PTPRK: variants seen among roughly 807,000 people sequenced by gnomAD.
The protein encoded by PTPRK is receptor-type tyrosine-protein phosphatase kappa.
PTPRK carries 75 observed loss-of-function variants against 178.0 expected under a neutral mutation model. The ratio of observed to expected loss-of-function variants is 0.42; its 90% CI spans 0.35 to 0.51. The LOEUF (loss-of-function observed/expected upper bound fraction) is 0.51. PTPRK is among the 20% of genes least tolerant of loss of function. The pLI is 0.02. For missense variants in PTPRK, 1,441 were observed against 1,797.8 expected (o/e 0.80, Z 3.59); for synonymous variants, 637 against 620.6 (o/e 1.03, Z -0.39).
At chr6:128,360,240 G>A (rs1008141099) in intron 2 of PTPRK, among the ~76,000 whole-genome samples, 32 of 152,164 alleles carry the variant, frequency 2.1e-4, no homozygotes, top group Non-Finnish European at 3.8e-4. Context: ...CCTATTTCCC[G>A]GGACCTGGTC....
intron 2 of PTPRK, among the ~76,000 whole-genome samples, chr6:128,382,204 T>C (rs999968294): frequency 2.0e-5 from 3 of 147,032 alleles, no homozygotes; most frequent in African/African-American, 7.5e-5. Flanking sequence ...ATGTTGAAAG[T>C]ATTATAATGG....
At chr6:128,022,481 A>G (rs895644978) in intron 13 of PTPRK, among the ~76,000 whole-genome samples, 1 of 152,168 alleles carries the variant, frequency 6.6e-6, no homozygotes, top group African/African-American at 2.4e-5. Flanking sequence ...TTATTTTCAA[A>G]TCCACTGAAT....
intron 1 of PTPRK, chr6:128,472,828 C>T (rs945701489): frequency 1.7e-5 from 3 of 179,424 alleles, no homozygotes; most frequent in African/African-American, 7.2e-5. Context: ...TCTAGTCTGC[C>T]ACCTGATTTC....
chr6:128,286,928 C>A (rs1275656689), intron 3 of PTPRK, among the ~76,000 whole-genome samples: 1 of 152,162 alleles, frequency 6.6e-6, no homozygotes, highest in East Asian at 1.9e-4. Flanking sequence ...ATGGGAGTGC[C>A]AACTAGTTCC....
At chr6:128,298,444 G>A (rs992267954) in intron 3 of PTPRK, among the ~76,000 whole-genome samples, 1 of 146,562 alleles carries the variant, frequency 6.8e-6, no homozygotes, top group Non-Finnish European at 1.5e-5. Flanking sequence ...CAATATCCTT[G>A]ATGAACATTG....
chr6:128,066,000 T>C (rs1423186169), intron 12 of PTPRK, among the ~76,000 whole-genome samples: 1 of 147,764 alleles, frequency 6.8e-6, no homozygotes, highest in Non-Finnish European at 1.5e-5. Context: ...GAAGAGAAAA[T>C]TCATATCAAA....
At position 128,192,882 on chromosome 6, in the gene PTPRK, G is replaced by GAGGGAGGA. The variant is rs1288466005; in HGVS notation, c.869-8165_869-8158dup. 1.7e-3 allele frequency among the ~76,000 whole-genome samples: 249 copies of GAGGGAGGA among 146,688 alleles called. 2 individuals carry two copies. The highest frequency in any genetic ancestry group is 0.011 in the South Asian group (49 of 4,292). The stretch of plus-strand genomic sequence containing the variant: ...CATGGAGGAAGCGGGGAGGGGAGGA[G>GAGGGAGGA]AGGGAGGAAGGGAGGAAGGGAGGAA... On this transcript the variant is annotated intron_variant, in intron 6 of 29. Coordinates refer to ENST00000368226, the MANE Select transcript of PTPRK (RefSeq NM_002844.4).
At chr6:128,434,883 G>A (rs1845306667) in intron 1 of PTPRK, among the ~76,000 whole-genome samples, 1 of 152,054 alleles carries the variant, frequency 6.6e-6, no homozygotes, top group Admixed American at 6.6e-5. Context: ...AAAAAGTTGA[G>A]CATGGTGGTA....
intron 3 of PTPRK, among the ~76,000 whole-genome samples, chr6:128,284,376 C>G (rs1271693992): frequency 6.6e-6 from 1 of 152,198 alleles, no homozygotes; most frequent in Non-Finnish European, 1.5e-5. Context: ...ACAATCAGGG[C>G]ACATATCCTG....
intron 6 of PTPRK, among the ~76,000 whole-genome samples, chr6:128,203,061 A>G (rs1221571888): frequency 2.0e-5 from 3 of 152,212 alleles, no homozygotes; most frequent in Non-Finnish European, 4.4e-5. Context: ...ATCCACCATG[A>G]TCAAGTTGGC....
At chr6:127,999,624 CT>C (rs1161972421) in intron 15 of PTPRK, among the ~76,000 whole-genome samples, 5 of 152,062 alleles carry the variant, frequency 3.3e-5, no homozygotes, top group Admixed American at 6.6e-5. Flanking sequence ...CCCTGGAAGT[CT>C]TTTCTGGCCC....
intron 7 of PTPRK, among the ~76,000 whole-genome samples, chr6:128,140,673 C>G (rs946342651): frequency 6.6e-6 from 1 of 151,858 alleles, no homozygotes; most frequent in Non-Finnish European, 1.5e-5. Context: ...GTCCATTTTA[C>G]AGATAAACAT....
intron 3 of PTPRK, among the ~76,000 whole-genome samples, chr6:128,251,363 GC>G (rs1214825195): frequency 6.6e-6 from 1 of 152,086 alleles, no homozygotes; most frequent in Non-Finnish European, 1.5e-5. Flanking sequence ...ATATAATCAA[GC>G]CCAAATCGAT....
intron 13 of PTPRK, among the ~76,000 whole-genome samples, chr6:128,036,954 A>ACTCCTGAC (rs2114819951): frequency 6.6e-6 from 1 of 151,154 alleles, no homozygotes; most frequent in African/African-American, 2.4e-5. Flanking sequence ...ATGCTCTTGA[A>ACTCCTGAC]CTCCTGACCT....
chr6:128,011,120 C>A (rs1779003850), intron 13 of PTPRK, among the ~76,000 whole-genome samples: 1 of 151,158 alleles, frequency 6.6e-6, no homozygotes. Flanking sequence ...CTAAAAGGAA[C>A]ATAGTCATTG....
chr6:128,262,569 T>C (rs1818330341), intron 3 of PTPRK, among the ~76,000 whole-genome samples: 1 of 151,894 alleles, frequency 6.6e-6, no homozygotes, highest in African/African-American at 2.4e-5. Flanking sequence ...ACTACAGAGC[T>C]ATGGAGGGGG....
At chr6:128,240,232 T>A (rs1402613967) in intron 4 of PTPRK, 82 bp from the exon 5 acceptor site, 1 of 1,047,760 alleles carries the variant, frequency 9.5e-7, no homozygotes, top group Non-Finnish European at 1.4e-6. Flanking sequence ...CTGAATATTA[T>A]CATTAGTGTT....
chr6:128,412,379 T>C (rs1303066389), intron 1 of PTPRK, among the ~76,000 whole-genome samples: 3 of 152,216 alleles, frequency 2.0e-5, no homozygotes, highest in Admixed American at 1.3e-4. Flanking sequence ...CCCATTTTAT[T>C]GATGAGGAAA....
intron 1 of PTPRK, among the ~76,000 whole-genome samples, chr6:128,516,840 C>T (rs746688789): frequency 6.6e-6 from 1 of 151,922 alleles, no homozygotes; most frequent in Non-Finnish European, 1.5e-5. Context: ...AAACAAACAG[C>T]TAAAGAAACT....
Sources: allele counts gnomAD v4.1 joint callset (sites outside exome capture counted in the v4.1 genomes callset), GRCh38; gene constraint gnomAD v4.1.1; transcripts MANE v1.5; gene names NCBI Gene and HGNC (gene_info 2026-07-23, HGNC 2026-07-21).